ZNF736: variants seen among roughly 807,000 people sequenced by gnomAD.
The protein encoded by ZNF736 is zinc finger protein 736, also known as KRAB-containing zinc-finger repressor protein.
ZNF736 carries 6 observed loss-of-function variants against 11.7 expected under a neutral mutation model. That is an observed-to-expected ratio of 0.51 (90% CI 0.28 to 1.01). ZNF736 has a LOEUF of 1.01. Among genes scored for constraint, ZNF736 ranks in the 50% least tolerant of loss-of-function variants. The probability of loss-of-function intolerance (pLI) is 0.09; values close to 1 mark genes in which losing one functional copy is unlikely to be tolerated. For missense variants in ZNF736, 444 were observed against 496.0 expected (o/e 0.90, Z 1.00); for synonymous variants, 139 against 164.7 (o/e 0.84, Z 1.19).
intron 3 of ZNF736, among the ~76,000 whole-genome samples, chr7:64,338,795 A>G (rs983815025): frequency 6.6e-5 from 10 of 151,994 alleles, no homozygotes; most frequent in Admixed American, 3.3e-4. Flanking sequence ...AAATGTTTCA[A>G]TGAACATGGA....
At chr7:64,343,461 G>A (rs1458082475) in intron 3 of ZNF736, among the ~76,000 whole-genome samples, 2 of 152,204 alleles carry the variant, frequency 1.3e-5, no homozygotes, top group Non-Finnish European at 2.9e-5. Flanking sequence ...ATGGGGTACT[G>A]TGCTATCTAT....
chr7:64,344,454 TC>T (rs1192093272), intron 3 of ZNF736, among the ~76,000 whole-genome samples: 2 of 152,252 alleles, frequency 1.3e-5, no homozygotes, highest in African/African-American at 4.8e-5. Context: ...TACTCATTTT[TC>T]CCATTGTCTG....
intron 1 of ZNF736, among the ~76,000 whole-genome samples, chr7:64,315,042 G>A (rs1562665338): frequency 6.6e-6 from 1 of 152,164 alleles, no homozygotes; most frequent in Non-Finnish European, 1.5e-5. Context: ...TCAATAGTGA[G>A]TGAGTTCCCT....
chr7:64,319,333 GTATA>G (rs71060585), intron 1 of ZNF736, among the ~76,000 whole-genome samples: 5,693 of 71,100 alleles, frequency 0.08, 411 homozygotes, highest in Middle Eastern at 0.12. Context: ...GTGTGTATGT[GTATA>G]TATATATATA....
At chr7:64,324,527 C>T (rs1584266694) in intron 1 of ZNF736, among the ~76,000 whole-genome samples, 1 of 151,256 alleles carries the variant, frequency 6.6e-6, no homozygotes, top group East Asian at 1.9e-4. Flanking sequence ...TGTGATTTTG[C>T]CCCCCCGGAC....
intron 1 of ZNF736, among the ~76,000 whole-genome samples, chr7:64,317,286 T>G (rs1357819140): frequency 3.9e-5 from 6 of 152,222 alleles, no homozygotes; most frequent in Non-Finnish European, 7.4e-5. Context: ...TAATTTTTTC[T>G]AAGCTTATAA....
chr7:64,345,018 T>TTATTTATG (rs2115958765), intron 3 of ZNF736, among the ~76,000 whole-genome samples: 1 of 149,872 alleles, frequency 6.7e-6, no homozygotes, highest in South Asian at 2.1e-4. Flanking sequence ...ATTTTATTAT[T>TTATTTATG]TATTTATTTA....
At chr7:64,323,796 G>A (rs1277435351) in intron 1 of ZNF736, among the ~76,000 whole-genome samples, 1 of 152,144 alleles carries the variant, frequency 6.6e-6, no homozygotes, top group Non-Finnish European at 1.5e-5. Flanking sequence ...ATACATGGGT[G>A]ATGGGTTGAT....
At chr7:64,323,707 T>C (rs796725969) in intron 1 of ZNF736, among the ~76,000 whole-genome samples, 73 of 152,134 alleles carry the variant, frequency 4.8e-4, no homozygotes, top group African/African-American at 1.7e-3. Context: ...CATGGACACC[T>C]TGGGGGAACA....
chr7:64,316,795 A>G (rs1168659444), intron 1 of ZNF736, among the ~76,000 whole-genome samples: 1 of 152,214 alleles, frequency 6.6e-6, no homozygotes, highest in African/African-American at 2.4e-5. Context: ...AAAATAGTTT[A>G]TATTCCATTG....
At chr7:64,340,988 T>A (rs1299335507) in intron 3 of ZNF736, among the ~76,000 whole-genome samples, 1 of 151,574 alleles carries the variant, frequency 6.6e-6, no homozygotes, top group East Asian at 1.9e-4. Flanking sequence ...TCCTTAATCA[T>A]ATCTAATAAA....
intron 1 of ZNF736, among the ~76,000 whole-genome samples, chr7:64,326,712 C>T (rs1203795071): frequency 6.6e-6 from 1 of 151,624 alleles, no homozygotes; most frequent in East Asian, 1.9e-4. Flanking sequence ...CTTCTTAGTA[C>T]TTCTTTCATT....
intron 1 of ZNF736, among the ~76,000 whole-genome samples, chr7:64,328,802 T>C (rs1006701549): frequency 2.0e-5 from 3 of 152,174 alleles, no homozygotes; most frequent in African/African-American, 7.2e-5. Flanking sequence ...TGAATTGTGC[T>C]TGGTATTCTA....
chr7:64,319,331 GTGTATATATATA>G (rs1479286382), intron 1 of ZNF736, among the ~76,000 whole-genome samples: 795 of 75,520 alleles, frequency 0.011, 34 homozygotes, highest in Admixed American at 0.051. Flanking sequence ...GTGTGTGTAT[GTGTATATATATA>G]TATATATATA....
At chr7:64,323,424 ATTG>A (rs572402514) in intron 1 of ZNF736, among the ~76,000 whole-genome samples, 196 of 78,400 alleles carry the variant, frequency 2.5e-3, no homozygotes, top group Middle Eastern at 0.012. Context: ...TAAGCAGTAT[ATTG>A]TTTTTAAAAG....
At chr7:64,325,720 G>A (rs600443) in intron 1 of ZNF736, among the ~76,000 whole-genome samples, 149,372 of 152,328 alleles carry the variant, frequency 0.98, 73,298 homozygotes, top group Non-Finnish European at 1. Context: ...TTGTGTCTCT[G>A]TTAAATGTAT....
At position 64,355,313 on chromosome 7, in the gene ZNF736, C is replaced by A; in HGVS notation, c.*6166C>A. ...TAGATTAATAAAATATGGTTTTAGT[C>A]TTCCTTCTCTATATTCTGGCTTAGA... On this transcript the variant is annotated 3_prime_UTR_variant, in exon 4 of 4. Transcript: ENST00000423484. 1 of 158,228 alleles carries A rather than the reference C, an allele frequency of 6.3e-6. No homozygotes were observed. The highest frequency in any genetic ancestry group is 2.0e-4 in the South Asian group (1 of 4,888). 9.8% of individuals were successfully genotyped at this position (158,228 alleles called of 1,614,324 possible). A position where few individuals can be genotyped will look rare whatever the true frequency, so the allele number is the denominator to read the frequency against.
intron 1 of ZNF736, among the ~76,000 whole-genome samples, chr7:64,316,046 G>A (rs1007881303): frequency 5.9e-5 from 9 of 152,166 alleles, no homozygotes; most frequent in African/African-American, 2.2e-4. Flanking sequence ...ATCCTTTGCA[G>A]GGTGATGTGT....
intron 1 of ZNF736, among the ~76,000 whole-genome samples, chr7:64,320,891 G>A (rs1467331433): frequency 1.3e-5 from 2 of 152,106 alleles, no homozygotes; most frequent in Admixed American, 1.3e-4. Flanking sequence ...ATTGCATTTT[G>A]GGGTCATCTG....
Sources: allele counts gnomAD v4.1 joint callset (sites outside exome capture counted in the v4.1 genomes callset), GRCh38; gene constraint gnomAD v4.1.1; transcripts MANE v1.5; gene names NCBI Gene and HGNC (gene_info 2026-07-23, HGNC 2026-07-21).